OXR1: variants seen among roughly 807,000 people sequenced by gnomAD.
OXR1 encodes oxidation resistance 1.
A neutral mutation model predicts 104.6 loss-of-function variants in OXR1; 41 were observed. The ratio of observed to expected loss-of-function variants is 0.39; its 90% CI spans 0.31 to 0.51. OXR1 has a LOEUF of 0.51. OXR1 is among the 20% of genes least tolerant of loss of function. The pLI is 0.77. For missense variants in OXR1, 955 were observed against 1,031.9 expected (o/e 0.93, Z 1.02); for synonymous variants, 348 against 348.4 (o/e 1.00, Z 0.01).
chr8:106,556,411 G>C (rs1816289005), intron 3 of OXR1, among the ~76,000 whole-genome samples: 1 of 152,122 alleles, frequency 6.6e-6, no homozygotes, highest in African/African-American at 2.4e-5. Context: ...GCATCTCCAA[G>C]GAAATTGCTT....
intron 1 of OXR1, among the ~76,000 whole-genome samples, chr8:106,323,053 A>G (rs1262811932): frequency 1.3e-5 from 2 of 152,212 alleles, no homozygotes; most frequent in Non-Finnish European, 2.9e-5. Flanking sequence ...TAAAATTTAT[A>G]TGGAACCAAA....
intron 1 of OXR1, among the ~76,000 whole-genome samples, chr8:106,354,753 A>T (rs1416309682): frequency 3.9e-5 from 6 of 152,162 alleles, no homozygotes; most frequent in Admixed American, 3.3e-4. Context: ...GATCTTAATG[A>T]TACAGCAGCA....
chr8:106,433,921 C>T (rs895168800), intron 2 of OXR1, among the ~76,000 whole-genome samples: 10 of 152,076 alleles, frequency 6.6e-5, no homozygotes. Flanking sequence ...AATTTGGTTT[C>T]TTTCACTTAA....
At chr8:106,688,275 C>T (rs955199038) in intron 6 of OXR1, among the ~76,000 whole-genome samples, 8 of 151,748 alleles carry the variant, frequency 5.3e-5, no homozygotes, top group Admixed American at 2.6e-4. Context: ...TATTAATATA[C>T]TCTATTGAAG....
intron 1 of OXR1, among the ~76,000 whole-genome samples, chr8:106,329,505 G>A (rs71522778): frequency 0.28 from 42,576 of 151,718 alleles, 6,965 homozygotes; most frequent in Admixed American, 0.35. Flanking sequence ...CCTCCACCAC[G>A]CCTGGCTAAT....
At chr8:106,476,103 T>G (rs1821795029) in intron 2 of OXR1, among the ~76,000 whole-genome samples, 1 of 151,690 alleles carries the variant, frequency 6.6e-6, no homozygotes, top group Non-Finnish European at 1.5e-5. Context: ...TTTATCAGTT[T>G]TCTCTTGCAT....
intron 3 of OXR1, among the ~76,000 whole-genome samples, chr8:106,538,914 A>T (rs1171396121): frequency 6.6e-6 from 1 of 152,190 alleles, no homozygotes. Flanking sequence ...TAAAAACCTT[A>T]TGCCGTAGGT....
chr8:106,404,312 TC>T (rs1818126712), intron 2 of OXR1, among the ~76,000 whole-genome samples: 1 of 152,116 alleles, frequency 6.6e-6, no homozygotes, highest in African/African-American at 2.4e-5. Context: ...GGCCTCAATG[TC>T]CCCAACTTCA....
At chr8:106,679,390 G>T in intron 4 of OXR1, 98 bp downstream of exon 4, 5 of 505,532 alleles carry the variant, frequency 9.9e-6, no homozygotes, top group South Asian at 9.2e-5. Flanking sequence ...ATTGTTAATT[G>T]CCTTATTTTT....
intron 2 of OXR1, among the ~76,000 whole-genome samples, chr8:106,372,221 A>G (rs1219718521): frequency 3.3e-5 from 5 of 152,022 alleles, no homozygotes; most frequent in Non-Finnish European, 1.5e-5. Flanking sequence ...CTGGTTGGGT[A>G]GTGTGCTCAA....
At chr8:106,571,245 A>G (rs971755303) in intron 3 of OXR1, among the ~76,000 whole-genome samples, 1 of 152,086 alleles carries the variant, frequency 6.6e-6, no homozygotes, top group African/African-American at 2.4e-5. Flanking sequence ...TTTTCTCACA[A>G]TCTGAAGTCT....
chr8:106,358,611 G>A lies in OXR1; in HGVS notation c.-138-865G>A, dbSNP rs149229445. Among the ~76,000 whole-genome samples, 596 of 152,268 alleles carry A rather than the reference G, an allele frequency of 3.9e-3. 5 individuals carry two copies. Among genetic ancestry groups the A allele is most frequent in the African/African-American group, 0.013 (551 of 41,550 alleles). On this transcript the variant is annotated intron_variant, in intron 1 of 16. Transcript: ENST00000517566. ...ATGCTCAATAGGTATTTGTTTAATT[G>A]AAAAACACTGGATTAATGACCTGAC...
In OXR1 at chr8:106,596,582, G is replaced by T. The variant is rs557193441; in HGVS notation, c.220+77443G>T. The stretch of plus-strand genomic sequence containing the variant: ...AGTAAAATTGAAGCAGGTTAAGAGG[G>T]ATCAAAAATAGAGGGTGTACACATT... On this transcript the variant is annotated intron_variant, in intron 3 of 16. Transcript: ENST00000517566. Among the ~76,000 whole-genome samples the T allele has an allele frequency of 2.0e-4, 31 of 152,264 alleles. No individual in the cohort carries two copies. The South Asian group carries it at 6.4e-3, about 32-fold the overall frequency.
intron 3 of OXR1, among the ~76,000 whole-genome samples, chr8:106,593,739 G>A (rs967840461): frequency 1.3e-5 from 2 of 152,172 alleles, no homozygotes; most frequent in East Asian, 1.9e-4. Flanking sequence ...TCGCGCCACG[G>A]CACTCCAGCC....
chr8:106,507,068 C>T (rs191715289), intron 2 of OXR1, among the ~76,000 whole-genome samples: 1 of 151,762 alleles, frequency 6.6e-6, no homozygotes, highest in African/African-American at 2.4e-5. Flanking sequence ...CTAGGAGACA[C>T]AGTGAGAGCC....
chr8:106,690,491 G>A (rs573911615), intron 6 of OXR1, among the ~76,000 whole-genome samples: 20 of 150,570 alleles, frequency 1.3e-4, no homozygotes, highest in African/African-American at 4.4e-4. Context: ...TAGTGTTTGC[G>A]AAGATTTTAG....
intron 1 of OXR1, among the ~76,000 whole-genome samples, chr8:106,321,764 A>G (rs114344510): frequency 2.0e-5 from 3 of 152,192 alleles, no homozygotes; most frequent in Non-Finnish European, 2.9e-5. Flanking sequence ...ATGATAATTA[A>G]TGATAGAGTT....
intron 2 of OXR1, among the ~76,000 whole-genome samples, chr8:106,438,708 T>A (rs1819672652): frequency 6.6e-6 from 1 of 152,094 alleles, no homozygotes; most frequent in Admixed American, 6.6e-5. Flanking sequence ...TACTTACCAG[T>A]GCCCAGCTTA....
chr8:106,432,184 C>T (rs959068580), intron 2 of OXR1, among the ~76,000 whole-genome samples: 5 of 152,138 alleles, frequency 3.3e-5, no homozygotes, highest in East Asian at 1.9e-4. Flanking sequence ...TCTTCCTAAC[C>T]GTTCTCTGCT....
Sources: allele counts gnomAD v4.1 joint callset (sites outside exome capture counted in the v4.1 genomes callset), GRCh38; gene constraint gnomAD v4.1.1; transcripts MANE v1.5; gene names NCBI Gene and HGNC (gene_info 2026-07-23, HGNC 2026-07-21).